The following ZNF804B variants were observed in gnomAD, a reference collection of about 807,000 sequenced individuals.
ZNF804B encodes zinc finger 804B.
In ZNF804B, 80 loss-of-function variants were observed where a neutral mutation model predicts 101.4. That is an observed-to-expected ratio of 0.79 (90% confidence interval 0.66 to 0.95). The LOEUF is 0.95. Among genes scored for constraint, ZNF804B ranks in the 40% least tolerant of loss-of-function variants. The pLI, the probability that ZNF804B is intolerant of heterozygous loss-of-function variation, is 0.00. For missense variants in ZNF804B, 1,673 were observed against 1,561.9 expected (o/e 1.07, Z -1.20); for synonymous variants, 622 against 558.8 (o/e 1.11, Z -1.59).
chr7:89,225,333 G>T (rs990615970), intron 2 of ZNF804B, among the ~76,000 whole-genome samples: 3 of 151,918 alleles, frequency 2.0e-5, no homozygotes, highest in Admixed American at 6.6e-5. Context: ...GTTTTGTTTG[G>T]TTTTTTGAAA....
chr7:88,863,931 T>C (rs1372211503), intron 1 of ZNF804B, among the ~76,000 whole-genome samples: 2 of 152,186 alleles, frequency 1.3e-5, no homozygotes, highest in African/African-American at 4.8e-5. Context: ...TGGGGCTCTG[T>C]CTCCTTTATG....
chr7:89,076,306 T>G (rs1789614580), intron 1 of ZNF804B, among the ~76,000 whole-genome samples: 1 of 151,984 alleles, frequency 6.6e-6, no homozygotes, highest in Non-Finnish European at 1.5e-5. Flanking sequence ...AGTGGGCGGG[T>G]CTTTCCTGTG....
chr7:89,143,366 G>T (rs1286380095), intron 1 of ZNF804B, among the ~76,000 whole-genome samples: 1 of 151,478 alleles, frequency 6.6e-6, no homozygotes, highest in Non-Finnish European at 1.5e-5. Context: ...GAAGTTCTGG[G>T]GCTGAATTTA....
At chr7:88,855,557 C>G (rs1056366572) in intron 1 of ZNF804B, among the ~76,000 whole-genome samples, 36 of 152,066 alleles carry the variant, frequency 2.4e-4, no homozygotes, top group African/African-American at 8.5e-4. Context: ...TGTAGGTTGC[C>G]TGTTCACTCT....
intron 1 of ZNF804B, among the ~76,000 whole-genome samples, chr7:89,193,562 G>A (rs1241128261): frequency 1.4e-5 from 2 of 147,912 alleles, no homozygotes; most frequent in African/African-American, 5.0e-5. Flanking sequence ...AACATGTTGT[G>A]TTTGGTTTTT....
chr7:88,839,503 C>T (rs1192512840), intron 1 of ZNF804B, among the ~76,000 whole-genome samples: 2 of 151,808 alleles, frequency 1.3e-5, no homozygotes, highest in African/African-American at 4.8e-5. Context: ...GATTTAAGGC[C>T]AGGCGAATCA....
At chr7:89,305,617 G>A (rs1260106611) in intron 2 of ZNF804B, among the ~76,000 whole-genome samples, 1 of 151,758 alleles carries the variant, frequency 6.6e-6, no homozygotes, top group Non-Finnish European at 1.5e-5. Flanking sequence ...GAAATATTCT[G>A]GATAGTTTCC....
intron 1 of ZNF804B, among the ~76,000 whole-genome samples, chr7:88,818,157 T>A (rs1790914987): frequency 6.6e-6 from 1 of 152,178 alleles, no homozygotes; most frequent in African/African-American, 2.4e-5. Flanking sequence ...GCAAAATCTA[T>A]AATAAATGAA....
chr7:88,915,036 A>C (rs1792612499), intron 1 of ZNF804B, among the ~76,000 whole-genome samples: 1 of 152,084 alleles, frequency 6.6e-6, no homozygotes, highest in Non-Finnish European at 1.5e-5. Flanking sequence ...ACCCTTTTTT[A>C]ATGAGTAGTT....
chr7:89,093,027 C>A (rs900603733), intron 1 of ZNF804B, among the ~76,000 whole-genome samples: 4 of 152,040 alleles, frequency 2.6e-5, no homozygotes, highest in African/African-American at 9.7e-5. Context: ...ATATATGTAA[C>A]CATTTGTATT....
intron 1 of ZNF804B, among the ~76,000 whole-genome samples, chr7:88,817,663 T>G (rs887456039): frequency 6.6e-6 from 1 of 152,234 alleles, no homozygotes; most frequent in African/African-American, 2.4e-5. Context: ...ATACCTAAGA[T>G]CTTCCATTGG....
At chr7:88,807,845 A>G (rs1421943318) in intron 1 of ZNF804B, among the ~76,000 whole-genome samples, 1 of 152,204 alleles carries the variant, frequency 6.6e-6, no homozygotes, top group African/African-American at 2.4e-5. Context: ...GCCCTCAGGA[A>G]AGTATAAACA....
At chr7:88,867,721 A>G (rs1399512391) in intron 1 of ZNF804B, among the ~76,000 whole-genome samples, 1 of 152,222 alleles carries the variant, frequency 6.6e-6, no homozygotes, top group Non-Finnish European at 1.5e-5. Context: ...TAGTAATAAC[A>G]ATAACAATAA....
At chr7:88,934,330 T>A (rs1364428992) in intron 1 of ZNF804B, among the ~76,000 whole-genome samples, 1 of 151,934 alleles carries the variant, frequency 6.6e-6, no homozygotes, top group African/African-American at 2.4e-5. Flanking sequence ...CTTCTACACA[T>A]GGACTTAGGC....
intron 2 of ZNF804B, among the ~76,000 whole-genome samples, chr7:89,310,317 C>T (rs1790632405): frequency 6.6e-6 from 1 of 152,104 alleles, no homozygotes; most frequent in South Asian, 2.1e-4. Context: ...GTAAAAGAAA[C>T]CTTATTTGAT....
intron 1 of ZNF804B, among the ~76,000 whole-genome samples, chr7:89,128,977 T>G (rs576280770): frequency 6.6e-6 from 1 of 152,114 alleles, no homozygotes; most frequent in Non-Finnish European, 1.5e-5. Context: ...TTAGCCCTCC[T>G]TGCAGCAGAA....
At chr7:89,047,799 T>C (rs1479731410) in intron 1 of ZNF804B, among the ~76,000 whole-genome samples, 2 of 151,986 alleles carry the variant, frequency 1.3e-5, no homozygotes, top group Admixed American at 6.6e-5. Context: ...GTGCATTCTC[T>C]CTAGACTGTC....
chr7:89,260,126 G>A (rs1789689467), intron 2 of ZNF804B, among the ~76,000 whole-genome samples: 1 of 152,160 alleles, frequency 6.6e-6, no homozygotes, highest in Non-Finnish European at 1.5e-5. Flanking sequence ...AATTAATCCA[G>A]AATTCTCATT....
At chr7:88,872,281 C>A (rs1349061292) in intron 1 of ZNF804B, among the ~76,000 whole-genome samples, 1 of 151,860 alleles carries the variant, frequency 6.6e-6, no homozygotes, top group East Asian at 1.9e-4. Context: ...CTTTAAAATC[C>A]ACGATCATGC....
Sources: gnomAD v4.1 joint callset for allele counts (sites outside exome capture counted in the v4.1 genomes callset) on GRCh38, gnomAD v4.1.1 for gene constraint, MANE v1.5 for transcripts, NCBI Gene and HGNC (gene_info 2026-07-23, HGNC 2026-07-21) for gene names.